The following TRDN variants were observed in gnomAD, a reference collection of about 807,000 sequenced individuals.
TRDN encodes the protein triadin in skeletal muscle.
TRDN carries 161 observed loss-of-function variants against 149.7 expected under a neutral mutation model. The observed-to-expected ratio is 1.08, with a 90% CI of 0.95 to 1.23. The LOEUF is 1.23. Ranked by LOEUF, TRDN falls within the 50% of genes most tolerant of loss-of-function variation. TRDN has a pLI of 0.00. For missense variants in TRDN, 896 were observed against 823.5 expected (o/e 1.09, Z -1.08); for synonymous variants, 294 against 250.5 (o/e 1.17, Z -1.64).
chr6:123,316,433 G>T (rs989181631), intron 24 of TRDN, 24 bp downstream of exon 24: 4 of 1,605,566 alleles, frequency 2.5e-6, no homozygotes. Context: ...CTCCTTGTAT[G>T]TAAATCTTAC....
intron 2 of TRDN, 111 bp downstream of exon 2, chr6:123,570,812 G>A: frequency 2.2e-6 from 2 of 928,996 alleles, no homozygotes; most frequent in Non-Finnish European, 3.2e-6. Flanking sequence ...TTTGTGGGGT[G>A]TTTCTTCCTC....
chr6:123,351,919 C>T, intron 21 of TRDN: 2 of 984,592 alleles, frequency 2.0e-6, no homozygotes, highest in Non-Finnish European at 2.4e-6. Flanking sequence ...TGTACTGTAG[C>T]ATTTTTCTCA....
At chr6:123,380,010 A>G (rs1370299110) in intron 16 of TRDN, among the ~76,000 whole-genome samples, 1 of 152,204 alleles carries the variant, frequency 6.6e-6, no homozygotes, top group East Asian at 1.9e-4. Flanking sequence ...AAGATAAAAA[A>G]TCCAAATCAA....
chr6:123,563,889 C>G (rs927862459), intron 2 of TRDN, among the ~76,000 whole-genome samples: 1 of 152,168 alleles, frequency 6.6e-6, no homozygotes, highest in African/African-American at 2.4e-5. Context: ...CTCAGTACAA[C>G]ATCCGCCTGC....
chr6:123,224,308 A>T (rs1232294044), intron 38 of TRDN, among the ~76,000 whole-genome samples, 177 bp from the exon 39 acceptor site: 2 of 151,708 alleles, frequency 1.3e-5, no homozygotes, highest in African/African-American at 4.8e-5. Context: ...TGACTTGGAG[A>T]GAGGATGTGG....
At chr6:123,593,199 G>A (rs1480157461) in intron 1 of TRDN, among the ~76,000 whole-genome samples, 1 of 152,164 alleles carries the variant, frequency 6.6e-6, no homozygotes, top group Admixed American at 6.5e-5. Context: ...ATTGCTATAG[G>A]TTTATATAAC....
intron 23 of TRDN, among the ~76,000 whole-genome samples, chr6:123,316,924 C>T (rs1210321028): frequency 4.6e-5 from 7 of 151,652 alleles, no homozygotes; most frequent in African/African-American, 1.5e-4. Context: ...CATGGGGCTC[C>T]ACCTAGTGGT....
chr6:123,465,817 A>C (rs1011046808), intron 9 of TRDN, among the ~76,000 whole-genome samples: 2 of 152,204 alleles, frequency 1.3e-5, no homozygotes, highest in Non-Finnish European at 2.9e-5. Flanking sequence ...TCAACATGCA[A>C]CATGGGCATG....
chr6:123,491,569 G>C (rs1221808033), intron 9 of TRDN, among the ~76,000 whole-genome samples: 1 of 152,012 alleles, frequency 6.6e-6, no homozygotes, highest in East Asian at 1.9e-4. Flanking sequence ...AACTCCAAGA[G>C]GTTGATAGAG....
At chr6:123,397,723 C>T (rs1389653604) in intron 12 of TRDN, among the ~76,000 whole-genome samples, 1 of 152,090 alleles carries the variant, frequency 6.6e-6, no homozygotes, top group Non-Finnish European at 1.5e-5. Context: ...TATATGGTAA[C>T]CCACATTGCA....
intron 9 of TRDN, among the ~76,000 whole-genome samples, chr6:123,474,946 G>C (rs1280474502): frequency 1.3e-5 from 2 of 151,666 alleles, no homozygotes; most frequent in Non-Finnish European, 1.5e-5. Flanking sequence ...GGAAATTTAA[G>C]AGAAAGCAGG....
chr6:123,270,762 T>C (rs890744528), intron 30 of TRDN, among the ~76,000 whole-genome samples: 3 of 151,984 alleles, frequency 2.0e-5, no homozygotes, highest in Non-Finnish European at 4.4e-5. Context: ...TTCCAGCTAA[T>C]TTATAAATAG....
intron 6 of TRDN, among the ~76,000 whole-genome samples, 185 bp downstream of exon 6, chr6:123,515,956 T>C (rs534356273): frequency 6.6e-6 from 1 of 152,240 alleles, no homozygotes; most frequent in African/African-American, 2.4e-5. Context: ...GTTCAACAGT[T>C]CTTAACAGTC....
At chr6:123,225,506 C>G (rs1047456662) in intron 38 of TRDN, among the ~76,000 whole-genome samples, 38 of 144,364 alleles carry the variant, frequency 2.6e-4, no homozygotes, top group Admixed American at 1.4e-4. Context: ...AATGTTCTCA[C>G]CACACAGACA....
At chr6:123,528,742 A>G in intron 5 of TRDN, 1 of 988,476 alleles carries the variant, frequency 1.0e-6, no homozygotes, top group Non-Finnish European at 1.2e-6. Flanking sequence ...GCATTAGTCT[A>G]CCCCATTTAC....
intron 23 of TRDN, among the ~76,000 whole-genome samples, 167 bp from the exon 24 acceptor site, chr6:123,316,662 G>A (rs929392339): frequency 5.3e-5 from 8 of 151,908 alleles, no homozygotes; most frequent in Non-Finnish European, 1.0e-4. Flanking sequence ...AATGGAATAT[G>A]TATCTTTGGT....
At chr6:123,360,806 T>C (rs1032959807) in intron 20 of TRDN, among the ~76,000 whole-genome samples, 1 of 151,858 alleles carries the variant, frequency 6.6e-6, no homozygotes, top group African/African-American at 2.4e-5. Flanking sequence ...AAAAAACATT[T>C]CCAAGATGAG....
intron 10 of TRDN, chr6:123,442,252 G>C (rs1038021631): frequency 1.3e-5 from 2 of 152,212 alleles, no homozygotes; most frequent in African/African-American, 4.8e-5. Context: ...TTCCTCATTT[G>C]AAAAGTGGAG....
chr6:123,600,103 T>C (rs1784214090), intron 1 of TRDN, among the ~76,000 whole-genome samples: 1 of 152,046 alleles, frequency 6.6e-6, no homozygotes, highest in Non-Finnish European at 1.5e-5. Context: ...TGTGCAGAGT[T>C]GAATACTGAA....
Sources: allele counts gnomAD v4.1 joint callset (sites outside exome capture counted in the v4.1 genomes callset), GRCh38; gene constraint gnomAD v4.1.1; transcripts MANE v1.5; gene names NCBI Gene and HGNC (gene_info 2026-07-23, HGNC 2026-07-21).